Variants in STK10 observed in about 807,000 individuals in gnomAD.
The protein encoded by STK10 is serine/threonine kinase 10, also known as serine/threonine-protein kinase 10.
In STK10, 78 loss-of-function variants were observed where a neutral mutation model predicts 113.8. The ratio of observed to expected loss-of-function variants is 0.69; its 90% confidence interval spans 0.57 to 0.83. The LOEUF is 0.83. Among genes scored for constraint, STK10 ranks in the 40% least tolerant of loss-of-function variants. The pLI is 0.00. For missense variants in STK10, 1,109 were observed against 1,280.1 expected (o/e 0.87, Z 2.04); for synonymous variants, 465 against 494.7 (o/e 0.94, Z 0.80).
At chr5:172,053,429 G>A (rs748142983) in intron 17 of STK10, among the ~76,000 whole-genome samples, 1 of 81,888 alleles carries the variant, frequency 1.2e-5, no homozygotes, top group African/African-American at 7.4e-5. Flanking sequence ...GTTAATTAAA[G>A]CATCATGGTT....
chr5:172,057,570 G>A, intron 14 of STK10, 97 bp from the exon 15 acceptor site: 2 of 1,482,856 alleles, frequency 1.3e-6, no homozygotes, highest in Non-Finnish European at 1.8e-6. Context: ...TCATGCTGGA[G>A]ATGATAACCA....
At chr5:172,112,751 A>C (rs1420624743) in intron 4 of STK10, among the ~76,000 whole-genome samples, 1 of 143,278 alleles carries the variant, frequency 7.0e-6, no homozygotes, top group Non-Finnish European at 1.5e-5. Context: ...ACACACTTTT[A>C]TTCTTTTTTT....
intron 3 of STK10, among the ~76,000 whole-genome samples, chr5:172,117,868 C>A (rs1421716896): frequency 6.6e-6 from 1 of 152,040 alleles, no homozygotes; most frequent in African/African-American, 2.4e-5. Flanking sequence ...CAAAAATTAG[C>A]TGGGCACGGT....
chr5:172,148,956 G>C (rs7702471), intron 2 of STK10, among the ~76,000 whole-genome samples: 34,048 of 152,150 alleles, frequency 0.22, 5,999 homozygotes, highest in African/African-American at 0.49. Flanking sequence ...GAGGCGGAGG[G>C]AGGCAAATCG....
At chr5:172,106,486 C>T in intron 6 of STK10, 134 bp downstream of exon 6, 1 of 983,786 alleles carries the variant, frequency 1.0e-6, no homozygotes, top group Non-Finnish European at 1.4e-6. Context: ...GACCCCCAGG[C>T]CCCAACCTCT....
intron 4 of STK10, among the ~76,000 whole-genome samples, chr5:172,115,518 G>A (rs957042816): frequency 2.6e-4 from 39 of 152,106 alleles, no homozygotes; most frequent in African/African-American, 9.4e-4. Context: ...TAACTTTAAG[G>A]CCCACCCAGC....
At chr5:172,108,780 TATTA>T (rs901156392) in intron 4 of STK10, among the ~76,000 whole-genome samples, 3 of 151,692 alleles carry the variant, frequency 2.0e-5, no homozygotes, top group African/African-American at 7.3e-5. Flanking sequence ...TATTACTATT[TATTA>T]ATTTATTATT....
intron 6 of STK10, 124 bp downstream of exon 6, chr5:172,106,496 T>A: frequency 6.1e-6 from 6 of 987,138 alleles, no homozygotes; most frequent in East Asian, 4.3e-5. Context: ...CCCCAACCTC[T>A]CCTTTGGAGC....
In STK10 at chr5:172,120,707, T is replaced by C. The variant is rs1483171991; in HGVS notation, c.371-3077A>G. On this transcript the variant is annotated intron_variant, in intron 3 of 18. Coordinates refer to ENST00000176763, the MANE Select transcript of STK10 (RefSeq NM_005990.4). The surrounding 1 kb of genome is among the most constrained non-coding windows in gnomAD (Gnocchi z 4.0). ...CATGTTCAGTTCTCAGTGTGGAAAA[T>C]AGGCAATAAAGGGGGATTATTGCTA... 1.3e-5 allele frequency among the ~76,000 whole-genome samples: 2 copies of C among 152,166 alleles called. No individual in the cohort carries two copies. Among genetic ancestry groups the C allele is most frequent in the South Asian group, 2.1e-4 (1 of 4,830 alleles).
rs1411534173 is a variant in STK10 at position 172,117,641 on chromosome 5, AGG to A, written c.371-13_371-12del. 2.5e-6 allele frequency: 4 copies of A among 1,613,862 alleles called. No homozygotes were observed. Among genetic ancestry groups the A allele is most frequent in the Non-Finnish European group, 3.4e-6 (4 of 1,179,938 alleles). ...GGCCTCTGTCCAGCTCTGGAAATGG[AGG>A]AGAACGGCTGTCAATTCAGTAAGCC... On this transcript the variant is annotated splice_polypyrimidine_tract_variant and intron_variant, in intron 3 of 18. Transcript: ENST00000176763.
At chr5:172,076,195 GT>G in intron 12 of STK10, among the ~76,000 whole-genome samples, 1 of 89,946 alleles carries the variant, frequency 1.1e-5, no homozygotes, top group Admixed American at 1.2e-4. Flanking sequence ...TGTGGGGGCT[GT>G]CCTGTGCATT....
chr5:172,139,360 G>A (rs1769930815), intron 2 of STK10, among the ~76,000 whole-genome samples: 1 of 152,026 alleles, frequency 6.6e-6, no homozygotes, highest in African/African-American at 2.4e-5. Flanking sequence ...CAAGAGAACA[G>A]AATAGAGAGT....
chr5:172,159,927 G>A (rs1770434376), intron 1 of STK10, among the ~76,000 whole-genome samples: 1 of 149,374 alleles, frequency 6.7e-6, no homozygotes, highest in African/African-American at 2.5e-5. Context: ...CACAAGGTCA[G>A]GAGTTTGAGA....
chr5:172,124,130 G>A (rs1349496291), intron 3 of STK10, among the ~76,000 whole-genome samples: 1 of 152,052 alleles, frequency 6.6e-6, no homozygotes, highest in Non-Finnish European at 1.5e-5. Flanking sequence ...GTTTTGCCCT[G>A]TTGCCCAGGC....
chr5:172,058,823 G>C (rs1767861051), intron 14 of STK10, among the ~76,000 whole-genome samples: 1 of 152,160 alleles, frequency 6.6e-6, no homozygotes. Flanking sequence ...AGGGGAGGCA[G>C]AGGCTGCAGT....
chr5:172,135,133 T>A (rs1178624116), intron 2 of STK10, among the ~76,000 whole-genome samples: 1 of 152,220 alleles, frequency 6.6e-6, no homozygotes, highest in Admixed American at 6.5e-5. Flanking sequence ...TATGAAAAGA[T>A]GCTCAACATT....
At chr5:172,071,582 T>C (rs1768182635) in intron 12 of STK10, among the ~76,000 whole-genome samples, 1 of 152,126 alleles carries the variant, frequency 6.6e-6, no homozygotes, top group Non-Finnish European at 1.5e-5. Flanking sequence ...TGTAAGATGC[T>C]AATGAGACAG....
chr5:172,049,220 T>C (rs1374017003), intron 18 of STK10, among the ~76,000 whole-genome samples: 1 of 152,060 alleles, frequency 6.6e-6, no homozygotes, highest in Non-Finnish European at 1.5e-5. Flanking sequence ...TTAGCAGGTG[T>C]TCAAGAAATA....
intron 18 of STK10, chr5:172,045,448 C>T: frequency 2.2e-6 from 1 of 457,114 alleles, no homozygotes; most frequent in Non-Finnish European, 4.4e-6. Context: ...TGCGCCACTG[C>T]ACTCCAACTT....
Sources: gnomAD v4.1 joint callset for allele counts (sites outside exome capture counted in the v4.1 genomes callset) on GRCh38, gnomAD v4.1.1 for gene constraint, Gnocchi (gnomAD v3.1) non-coding constraint, MANE v1.5 for transcripts, NCBI Gene and HGNC (gene_info 2026-07-23, HGNC 2026-07-21) for gene names.